The following C4orf36 variants were observed in gnomAD, a reference collection of about 807,000 sequenced individuals.
The protein encoded by C4orf36 is uncharacterized protein C4orf36.
Under a neutral mutation model 12.2 loss-of-function variants are expected in C4orf36, and 11 were observed. The ratio of observed to expected loss-of-function variants is 0.90; its 90% CI spans 0.57 to 1.49. The LOEUF is 1.49. Ranked by LOEUF, C4orf36 falls within the 40% of genes most tolerant of loss-of-function variation. The pLI is 0.00. For synonymous variants in C4orf36, 54 were observed against 51.3 expected (o/e 1.05, Z -0.22); for missense variants, 137 against 133.9 (o/e 1.02, Z -0.11).
the C4orf36 span, among the ~76,000 whole-genome samples, chr4:86,911,930 G>A: frequency 6.6e-6 from 1 of 152,106 alleles, no homozygotes; most frequent in East Asian, 1.9e-4. Flanking sequence ...GCGTGATCTT[G>A]GCTCACTGCA....
intron 4 of C4orf36, among the ~76,000 whole-genome samples, chr4:86,885,624 T>C (rs1747158271): frequency 1.3e-5 from 2 of 152,228 alleles, no homozygotes; most frequent in African/African-American, 2.4e-5. Context: ...TTTCTAGATA[T>C]ACAATCATGT....
At chr4:86,880,271 G>A (rs1431656717) in intron 4 of C4orf36, among the ~76,000 whole-genome samples, 1 of 152,136 alleles carries the variant, frequency 6.6e-6, no homozygotes, top group African/African-American at 2.4e-5. Context: ...TCAGGAGTTC[G>A]AGACCAGCCT....
the C4orf36 span, among the ~76,000 whole-genome samples, chr4:86,906,931 T>G: frequency 6.6e-6 from 1 of 151,776 alleles, no homozygotes; most frequent in East Asian, 1.9e-4. Context: ...TCCCAACTAC[T>G]AGGGAGGCTG....
At chr4:86,887,515 C>A in intron 4 of C4orf36, 1 of 388,410 alleles carries the variant, frequency 2.6e-6, no homozygotes, top group Non-Finnish European at 4.6e-6. Flanking sequence ...ATAGCACAAA[C>A]GACTCAACTC....
chr4:86,925,496 C>T, the C4orf36 span: 6 of 152,188 alleles, frequency 3.9e-5, no homozygotes, highest in African/African-American at 1.4e-4. Context: ...GGATTATAGG[C>T]ATGAGCCACC....
chr4:86,905,697 G>A, the C4orf36 span, among the ~76,000 whole-genome samples: 7 of 151,494 alleles, frequency 4.6e-5, no homozygotes, highest in Non-Finnish European at 1.0e-4. Context: ...ACACCACTTA[G>A]GCTTCTGAGG....
At chr4:86,935,584 TTGGGACC>T in the C4orf36 span, 33 of 152,416 alleles carry the variant, frequency 2.2e-4, no homozygotes, top group African/African-American at 7.9e-4. Flanking sequence ...TGTCCCGTTG[TTGGGACC>T]TGCTACTTGA....
the C4orf36 span, among the ~76,000 whole-genome samples, chr4:86,919,665 C>G: frequency 1.3e-5 from 2 of 152,008 alleles, no homozygotes; most frequent in Non-Finnish European, 2.9e-5. Flanking sequence ...CATCTTAAGT[C>G]ATTTATTTCC....
Position 86,876,264 on chromosome 4 carries a change from T to C in C4orf36, c.*182A>G, listed in dbSNP as rs1746922949. ...AAAAGAGAAACAAACTGAGTTCCACTGAAATTAAGAGATTTTCTCGGTCTC... is the reference window on the plus strand; with the variant it reads ...AAAAGAGAAACAAACTGAGTTCCACCGAAATTAAGAGATTTTCTCGGTCTC... On this transcript the variant is annotated 3_prime_UTR_variant, in exon 5 of 5. Coordinates refer to ENST00000295898, the MANE Select transcript of C4orf36 (RefSeq NM_144645.4). 6 of 699,296 alleles carry C rather than the reference T, an allele frequency of 8.6e-6. No homozygotes were observed. Among genetic ancestry groups the C allele is most frequent in the South Asian group, 3.0e-5 (1 of 33,358 alleles). The allele number at this position is 699,296 out of a possible 1,614,324, so 43.3% of individuals were successfully genotyped here. A position where few individuals can be genotyped will look rare whatever the true frequency, so the allele number is the denominator to read the frequency against.
chr4:86,902,717 A>C, the C4orf36 span, among the ~76,000 whole-genome samples: 1 of 152,100 alleles, frequency 6.6e-6, no homozygotes, highest in African/African-American at 2.4e-5. Flanking sequence ...CCCTTTTCAA[A>C]ACTGCTGCTT....
chr4:86,891,105 G>GT (rs1747393012), intron 2 of C4orf36, among the ~76,000 whole-genome samples: 1 of 152,042 alleles, frequency 6.6e-6, no homozygotes, highest in African/African-American at 2.4e-5. Context: ...TCTAAACAAA[G>GT]TTTTTTTAAA....
At chr4:86,880,536 C>G (rs769918000) in intron 4 of C4orf36, among the ~76,000 whole-genome samples, 3 of 152,154 alleles carry the variant, frequency 2.0e-5, no homozygotes, top group Non-Finnish European at 2.9e-5. Flanking sequence ...CAACCAACAA[C>G]ACTATGTGTG....
chr4:86,886,331 C>A (rs1339209305), intron 4 of C4orf36: 1 of 152,084 alleles, frequency 6.6e-6, no homozygotes, highest in Non-Finnish European at 1.5e-5. Context: ...GAACAGGCAA[C>A]CTACAGAATG....
chr4:86,884,100 A>C (rs1034289325), intron 4 of C4orf36, among the ~76,000 whole-genome samples: 4 of 152,132 alleles, frequency 2.6e-5, no homozygotes, highest in African/African-American at 9.7e-5. Context: ...GCTTTATTGG[A>C]TTCAAATGCT....
At chr4:86,885,382 G>A (rs1372213303) in intron 4 of C4orf36, among the ~76,000 whole-genome samples, 5 of 152,082 alleles carry the variant, frequency 3.3e-5, no homozygotes, top group Non-Finnish European at 7.4e-5. Flanking sequence ...GTTGAGCAGT[G>A]GTTTGTAGTT....
the C4orf36 span, chr4:86,913,611 G>T: frequency 7.7e-6 from 11 of 1,422,036 alleles, no homozygotes; most frequent in Admixed American, 1.8e-4. Flanking sequence ...GAAACACTTA[G>T]GAGCAGCAGG....
At chr4:86,893,935 C>T (rs750379687), upstream of C4orf36, among the ~76,000 whole-genome samples, 1 of 151,598 alleles carries the variant, frequency 6.6e-6, no homozygotes, top group Non-Finnish European at 1.5e-5. Flanking sequence ...CTCGCTCTGT[C>T]GCCCAGGCTG....
the C4orf36 span, among the ~76,000 whole-genome samples, chr4:86,927,705 T>C: frequency 1.3e-4 from 19 of 151,268 alleles, no homozygotes; most frequent in African/African-American, 3.9e-4. Flanking sequence ...GAGGCTGAGG[T>C]AGAGAATTGC....
At position 86,887,868 on chromosome 4, in the gene C4orf36, T is replaced by C. The variant is rs2149421823; in HGVS notation, c.246A>G (p.Glu82=). 6.2e-7 allele frequency: 1 copy of C among 1,614,140 alleles called. No homozygotes were observed. The highest frequency in any genetic ancestry group is 8.5e-7 in the Non-Finnish European group (1 of 1,180,018). Residue 82 remains glutamate (E), a synonymous_variant, in exon 4 of 5, where the codon GAA becomes GAG. Transcript: ENST00000295898. ...AESIKLEREY[E]VKRLCKLKCQ... ...ACTTCAGTTTACAAAGACGCTTCAC[T>C]TCATACTCCCTTTCGAGTTTGATAG...
Sources: gnomAD v4.1 joint callset for allele counts (sites outside exome capture counted in the v4.1 genomes callset) on GRCh38, gnomAD v4.1.1 for gene constraint, MANE v1.5 for transcripts, NCBI Gene and HGNC (gene_info 2026-07-23, HGNC 2026-07-21) for gene names.